Variants in KIF6 observed in about 807,000 individuals in gnomAD.
KIF6 encodes kinesin-like protein KIF6.
In KIF6, 106 loss-of-function variants were observed where a neutral mutation model predicts 112.7. That is an observed-to-expected ratio of 0.94 (90% CI 0.80 to 1.11). The LOEUF (loss-of-function observed/expected upper bound fraction) is 1.11. Among genes scored for constraint, KIF6 ranks in the 50% least tolerant of loss-of-function variants. The pLI is 0.00. For missense variants in KIF6, 929 were observed against 964.0 expected, an observed-to-expected ratio of 0.96 and a Z score of 0.48; for synonymous variants, 339 against 339.9, an observed-to-expected ratio of 1.00 and a Z score of 0.03.
chr6:39,348,674 A>G (rs907268466), intron 19 of KIF6, among the ~76,000 whole-genome samples: 10 of 152,204 alleles, frequency 6.6e-5, no homozygotes, highest in Admixed American at 2.0e-4. Flanking sequence ...AATAAGCCAT[A>G]TTAATAGTAA....
chr6:39,455,716 G>A (rs1368135261), intron 13 of KIF6, among the ~76,000 whole-genome samples: 3 of 151,790 alleles, frequency 2.0e-5, no homozygotes, highest in Admixed American at 6.6e-5. Flanking sequence ...AGAACTACGT[G>A]AAGAATGCAG....
chr6:39,543,418 C>A (rs957473180), intron 12 of KIF6, among the ~76,000 whole-genome samples: 5 of 152,012 alleles, frequency 3.3e-5, no homozygotes, highest in African/African-American at 9.7e-5. Flanking sequence ...ACCTACTGTT[C>A]CCTGGCCAGC....
At chr6:39,616,060 G>A (rs1189070406) in intron 5 of KIF6, among the ~76,000 whole-genome samples, 2 of 152,178 alleles carry the variant, frequency 1.3e-5, no homozygotes, top group Admixed American at 1.3e-4. Context: ...AGGAAATGCA[G>A]AGAACAAGCA....
chr6:39,620,231 T>C (rs1414895212), intron 5 of KIF6: 1 of 152,194 alleles, frequency 6.6e-6, no homozygotes, highest in Non-Finnish European at 1.5e-5. Context: ...CATATAGTAA[T>C]TATACAGCCG....
chr6:39,598,961 A>C lies in KIF6; in HGVS notation c.640-2701T>G, dbSNP rs547619394. On this transcript the variant is annotated intron_variant, in intron 6 of 22. Transcript: ENST00000287152. ...GTCATTAAGTATAAAAACATGGACC[A>C]GAAGCATACGGCAAATTAATGATAG... Among the ~76,000 whole-genome samples, 8 of 152,336 alleles carry C rather than the reference A, an allele frequency of 5.3e-5. No homozygotes were observed. The East Asian group carries it at 1.5e-3, about 29-fold the overall frequency.
At position 39,718,179 on chromosome 6, in the gene KIF6, G is replaced by A. The variant is rs1315149177; in HGVS notation, c.176+2523C>T. 5.0e-5 allele frequency among the ~76,000 whole-genome samples: 7 copies of A among 139,234 alleles called. No individual in the cohort carries two copies. In the East Asian group the frequency reaches 8.7e-4, roughly 17 times the overall value. The allele number at this position is 139,234 out of a possible 152,430, so 91.3% of individuals were successfully genotyped here. A position where few individuals can be genotyped will look rare whatever the true frequency, so the allele number is the denominator to read the frequency against. Reference sequence around the variant, plus strand: ...CAGGAAGCGGAGGTTGCAGTGAGCCGAGATCGCGCCATTGCACTCCAGCCT... The same window carrying A: ...CAGGAAGCGGAGGTTGCAGTGAGCCAAGATCGCGCCATTGCACTCCAGCCT... On this transcript the variant is annotated intron_variant, in intron 2 of 22. Transcript: ENST00000287152.
At chr6:39,398,867 C>T (rs1287029293) in intron 15 of KIF6, among the ~76,000 whole-genome samples, 1 of 152,166 alleles carries the variant, frequency 6.6e-6, no homozygotes, top group Non-Finnish European at 1.5e-5. Flanking sequence ...CAGATGTTTG[C>T]TTAAACACTA....
chr6:39,576,162 C>T (rs1307628867), intron 10 of KIF6, among the ~76,000 whole-genome samples: 1 of 151,934 alleles, frequency 6.6e-6, no homozygotes, highest in Non-Finnish European at 1.5e-5. Context: ...GATGGAGTTT[C>T]ACTCCATGCT....
Position 39,651,981 on chromosome 6 carries a change from T to C in KIF6, c.252-12224A>G, listed in dbSNP as rs545911584. The stretch of plus-strand genomic sequence containing the variant: ...CTACCCTGCAGGCCATAGACAATTA[T>C]GGCCTATGGAACTATGTATGGCCTG... On this transcript the variant is annotated intron_variant, in intron 3 of 22. Transcript: ENST00000287152. 7.8e-4 allele frequency among the ~76,000 whole-genome samples: 119 copies of C among 152,216 alleles called. 1 individual carries two copies. Among genetic ancestry groups the C allele is most frequent in the African/African-American group, 2.7e-3 (113 of 41,546 alleles).
At chr6:39,657,283 G>T (rs1376643479) in intron 3 of KIF6, among the ~76,000 whole-genome samples, 1 of 151,670 alleles carries the variant, frequency 6.6e-6, no homozygotes, top group Non-Finnish European at 1.5e-5. Flanking sequence ...TTCTTGCAGA[G>T]AAATTCTTTA....
At chr6:39,647,265 T>G (rs892101352) in intron 3 of KIF6, among the ~76,000 whole-genome samples, 3 of 152,176 alleles carry the variant, frequency 2.0e-5, no homozygotes, top group Non-Finnish European at 4.4e-5. Flanking sequence ...AGGCCGACAC[T>G]TCTGGGGAAT....
intron 3 of KIF6, among the ~76,000 whole-genome samples, chr6:39,704,670 G>A (rs572074282): frequency 1.3e-5 from 2 of 152,012 alleles, no homozygotes; most frequent in African/African-American, 4.8e-5. Context: ...ACTTGCCCAA[G>A]GACATAGAGC....
At chr6:39,637,984 T>C (rs895378495) in intron 4 of KIF6, among the ~76,000 whole-genome samples, 4 of 152,098 alleles carry the variant, frequency 2.6e-5, no homozygotes, top group Admixed American at 6.6e-5. Flanking sequence ...TTTGGATCTA[T>C]ACTTTAGTAA....
chr6:39,581,823 G>A (rs112797886), intron 9 of KIF6, among the ~76,000 whole-genome samples: 14,114 of 152,032 alleles, frequency 0.093, 692 homozygotes, highest in Middle Eastern at 0.14. Flanking sequence ...CCTCAGCTTA[G>A]TTTTTGGGCC....
At chr6:39,445,053 C>T (rs888890281) in intron 13 of KIF6, among the ~76,000 whole-genome samples, 1 of 152,196 alleles carries the variant, frequency 6.6e-6, no homozygotes, top group Non-Finnish European at 1.5e-5. Flanking sequence ...ATCCTTGACT[C>T]TGCCATTAAG....
intron 13 of KIF6, among the ~76,000 whole-genome samples, chr6:39,513,867 C>T (rs1193477416): frequency 6.6e-6 from 1 of 152,032 alleles, no homozygotes; most frequent in Non-Finnish European, 1.5e-5. Context: ...CAACTTTTGG[C>T]CAACCACACT....
intron 16 of KIF6, among the ~76,000 whole-genome samples, chr6:39,365,342 G>C (rs546320351): frequency 6.6e-6 from 1 of 152,294 alleles, no homozygotes; most frequent in Admixed American, 6.5e-5. Flanking sequence ...CATCTGTGTT[G>C]GTGCAATTTA....
At chr6:39,345,884 G>T in intron 20 of KIF6, 95 bp from the exon 21 acceptor site, 3 of 848,938 alleles carry the variant, frequency 3.5e-6, no homozygotes, top group Non-Finnish European at 5.7e-6. Context: ...TGGACTGAAT[G>T]TGTCCTCTCA....
intron 6 of KIF6, among the ~76,000 whole-genome samples, chr6:39,597,881 C>T (rs1389868811): frequency 2.0e-5 from 3 of 151,998 alleles, no homozygotes; most frequent in African/African-American, 7.2e-5. Flanking sequence ...AAATAAAGGA[C>T]TCGGCCGGGT....
Sources: gnomAD v4.1 joint callset for allele counts (sites outside exome capture counted in the v4.1 genomes callset) on GRCh38, gnomAD v4.1.1 for gene constraint, MANE v1.5 for transcripts, NCBI Gene and HGNC (gene_info 2026-07-23, HGNC 2026-07-21) for gene names.